Variants in CAMK1D observed in about 807,000 individuals in gnomAD.
CAMK1D encodes calcium/calmodulin dependent protein kinase ID.
A neutral mutation model predicts 47.7 loss-of-function variants in CAMK1D; 9 were observed. That is an observed-to-expected ratio of 0.19 (90% CI 0.11 to 0.33). The LOEUF is 0.33. CAMK1D is among the 10% of genes least tolerant of loss of function. CAMK1D has a pLI of 1.00. For synonymous variants in CAMK1D, 184 were observed against 184.9 expected, an observed-to-expected ratio of 0.99 and a Z score of 0.04; for missense variants, 291 against 488.7, an observed-to-expected ratio of 0.60 and a Z score of 3.81.
intron 1 of CAMK1D, among the ~76,000 whole-genome samples, chr10:12,464,739 C>T (rs1309652992): frequency 1.3e-5 from 2 of 151,522 alleles, no homozygotes; most frequent in Non-Finnish European, 1.5e-5. Flanking sequence ...GGCATGAACC[C>T]GGGAGGCGGA....
At chr10:12,515,275 G>T (rs944927491) in intron 1 of CAMK1D, among the ~76,000 whole-genome samples, 1 of 151,794 alleles carries the variant, frequency 6.6e-6, no homozygotes, top group Non-Finnish European at 1.5e-5. Context: ...CACCACAATC[G>T]GATACAGAAC....
Position 12,833,815 on chromosome 10 carries a change from G to A in CAMK1D, c.*4928G>A, listed in dbSNP as rs531854430. 2 of 148,200 alleles carry A rather than the reference G, an allele frequency of 1.3e-5. No individual in the cohort carries two copies. Among genetic ancestry groups the A allele is most frequent in the Non-Finnish European group, 3.0e-5 (2 of 67,606 alleles). 9.2% of individuals were successfully genotyped at this position (148,200 alleles called of 1,614,324 possible). A position where few individuals can be genotyped will look rare whatever the true frequency, so the allele number is the denominator to read the frequency against. On this transcript the variant is annotated 3_prime_UTR_variant, in exon 11 of 11. Coordinates refer to ENST00000619168, the MANE Select transcript of CAMK1D (RefSeq NM_153498.4). ...CAGCCAGTGCACGAAACCTTTGCAT[G>A]TTCTTCTGAAACTGTACTTCTTCCC... is the stretch of plus-strand genomic sequence containing the variant.
At position 12,632,922 on chromosome 10, in the gene CAMK1D, T is replaced by C. The variant is rs377603033; in HGVS notation, c.225-33814T>C. Among the ~76,000 whole-genome samples, 156 of 152,256 alleles carry C rather than the reference T, an allele frequency of 1.0e-3. 4 individuals are homozygous for C. In the South Asian group the frequency reaches 0.031, roughly 30 times the overall value. ...TTTGGCCAGGCTGGTCTCAATCTCC[T>C]GACCTCATGATCCGCCCACCTCAGC... On this transcript the variant is annotated intron_variant, in intron 2 of 10. Transcript: ENST00000619168.
At chr10:12,772,138 T>G (rs1241834916) in intron 5 of CAMK1D, among the ~76,000 whole-genome samples, 1 of 151,940 alleles carries the variant, frequency 6.6e-6, no homozygotes, top group Non-Finnish European at 1.5e-5. Context: ...AATAGCATGG[T>G]CCCTGCCTGG....
At chr10:12,759,419 C>A (rs1836394059) in intron 3 of CAMK1D, among the ~76,000 whole-genome samples, 1 of 152,172 alleles carries the variant, frequency 6.6e-6, no homozygotes, top group African/African-American at 2.4e-5. Context: ...AGCAGTCTAC[C>A]TCTTCTGGTA....
intron 3 of CAMK1D, among the ~76,000 whole-genome samples, chr10:12,677,956 T>G (rs1308506040): frequency 6.6e-6 from 1 of 152,112 alleles, no homozygotes; most frequent in African/African-American, 2.4e-5. Context: ...AACGATTGAA[T>G]ATGCTTTGTT....
At chr10:12,515,017 A>AT (rs61002392) in intron 1 of CAMK1D, among the ~76,000 whole-genome samples, 64,131 of 147,336 alleles carry the variant, frequency 0.44, 14,109 homozygotes, top group South Asian at 0.54. Flanking sequence ...CACCTGGCTA[A>AT]TTTTTTTTTT....
At chr10:12,820,944 G>A (rs1832991794) in intron 8 of CAMK1D, among the ~76,000 whole-genome samples, 1 of 152,252 alleles carries the variant, frequency 6.6e-6, no homozygotes. Flanking sequence ...CTCCAGCTCA[G>A]TGGTTCTGAG....
intron 10 of CAMK1D, among the ~76,000 whole-genome samples, chr10:12,827,357 T>TTCTTC (rs1564593862): frequency 3.2e-4 from 16 of 50,474 alleles, no homozygotes; most frequent in South Asian, 8.6e-4. Context: ...CTTCTTCCTT[T>TTCTTC]CTTTCTTTCT....
chr10:12,399,086 G>A (rs1198050469), intron 1 of CAMK1D, among the ~76,000 whole-genome samples: 15 of 152,210 alleles, frequency 9.9e-5, no homozygotes, highest in Admixed American at 9.8e-4. Context: ...GCCCTACTGG[G>A]AATGGTATTG....
intron 1 of CAMK1D, among the ~76,000 whole-genome samples, chr10:12,453,793 C>T (rs1220108089): frequency 6.6e-6 from 1 of 152,196 alleles, no homozygotes; most frequent in African/African-American, 2.4e-5. Context: ...TACATTTTAT[C>T]ATGGAGCCTT....
chr10:12,773,350 C>T (rs1837128878), intron 5 of CAMK1D, among the ~76,000 whole-genome samples: 1 of 152,170 alleles, frequency 6.6e-6, no homozygotes, highest in South Asian at 2.1e-4. Context: ...ATACTAGCAT[C>T]CTCAGATGGT....
At chr10:12,503,157 T>C (rs563114042) in intron 1 of CAMK1D, among the ~76,000 whole-genome samples, 1 of 152,328 alleles carries the variant, frequency 6.6e-6, no homozygotes, top group African/African-American at 2.4e-5. Flanking sequence ...AATATATGCA[T>C]GTGCATGTGT....
In CAMK1D at chr10:12,361,977, C is replaced by T. The variant is rs570371232; in HGVS notation, c.92+12067C>T. 3.7e-4 allele frequency among the ~76,000 whole-genome samples: 56 copies of T among 152,276 alleles called. No individual in the cohort carries two copies. In the South Asian group the frequency reaches 4.1e-3, roughly 11 times the overall value. On this transcript the variant is annotated intron_variant, in intron 1 of 10. Transcript: ENST00000619168. ...CTTTGGAGCCTCCCCTACCCCCCGC[C>T]GGTCTGTGTACAGGGAAGCTGCTTC...
intron 8 of CAMK1D, among the ~76,000 whole-genome samples, chr10:12,821,587 G>A (rs887867051): frequency 2.0e-5 from 3 of 152,250 alleles, no homozygotes; most frequent in Admixed American, 1.3e-4. Context: ...AGGCAGGGGA[G>A]ACTAGGCTGT....
intron 1 of CAMK1D, among the ~76,000 whole-genome samples, chr10:12,365,490 G>A (rs1480296755): frequency 1.3e-5 from 2 of 152,096 alleles, no homozygotes; most frequent in Admixed American, 6.5e-5. Flanking sequence ...CCAGGCTGGA[G>A]TGCAGTGGCG....
At chr10:12,581,753 G>A (rs1379248509) in intron 2 of CAMK1D, among the ~76,000 whole-genome samples, 2 of 152,052 alleles carry the variant, frequency 1.3e-5, no homozygotes, top group Non-Finnish European at 2.9e-5. Context: ...CTTTGTTGCT[G>A]ATTTGTTTGA....
chr10:12,553,936 C>T (rs1267637675), intron 2 of CAMK1D, among the ~76,000 whole-genome samples: 1 of 152,204 alleles, frequency 6.6e-6, no homozygotes, highest in Non-Finnish European at 1.5e-5. Flanking sequence ...CCAACCCGGC[C>T]AGTGTTACTT....
intron 1 of CAMK1D, among the ~76,000 whole-genome samples, chr10:12,400,558 T>C (rs114552747): frequency 0.011 from 1,676 of 152,266 alleles, 31 homozygotes; most frequent in African/African-American, 0.038. Flanking sequence ...TTAAACTTTT[T>C]TCTTAATAGC....
Sources: gnomAD v4.1 joint callset for allele counts (sites outside exome capture counted in the v4.1 genomes callset) on GRCh38, gnomAD v4.1.1 for gene constraint, MANE v1.5 for transcripts, NCBI Gene and HGNC (gene_info 2026-07-23, HGNC 2026-07-21) for gene names.